The following MYBBP1A variants were observed in gnomAD, a reference collection of about 807,000 sequenced individuals.
MYBBP1A encodes the protein MYB binding protein 1a, also known as myb-binding protein 1A.
In MYBBP1A, 147 loss-of-function variants were observed where a neutral mutation model predicts 136.3. The ratio of observed to expected loss-of-function variants is 1.08; its 90% CI spans 0.94 to 1.24. The LOEUF (loss-of-function observed/expected upper bound fraction) is 1.24. Ranked by LOEUF, MYBBP1A falls within the 50% of genes most tolerant of loss-of-function variation. MYBBP1A has a pLI of 0.00. For synonymous variants in MYBBP1A, 947 were observed against 735.8 expected (o/e 1.29, Z -4.65); for missense variants, 2,060 against 1,727.4 (o/e 1.19, Z -3.41).
At position 4,538,942 on chromosome 17, in the gene MYBBP1A, A is replaced by AT. The variant is rs1301996404; in HGVS notation, c.*472dup. ...CTTCCGGAAGCCAAACTGCTCCTTT[A>AT]TTTTTTAGAGCTGCTGATTGTGAAT... On this transcript the variant is annotated 3_prime_UTR_variant, in exon 26 of 26. Transcript: ENST00000254718. The AT allele has an allele frequency of 1.3e-6, 1 of 784,100 alleles. No individual in the cohort carries two copies. Among genetic ancestry groups the AT allele is most frequent in the Non-Finnish European group, 2.4e-6 (1 of 421,056 alleles). 48.6% of individuals were successfully genotyped at this position (784,100 alleles called of 1,614,324 possible).
chr17:4,545,599 TC>T lies in MYBBP1A; in HGVS notation c.2073+10del. On this transcript the variant is annotated intron_variant, in intron 15 of 25. Transcript: ENST00000254718. ...CCAGCCCACATTCCACTCCCAAAGG[TC>T]CCAACTCACATCCAGAATTAGCTGC... The T allele has an allele frequency of 6.4e-7, 1 of 1,571,680 alleles. No individual in the cohort carries two copies. The highest frequency in any genetic ancestry group is 8.7e-7 in the Non-Finnish European group (1 of 1,155,080).
At position 4,555,285 on chromosome 17, in the gene MYBBP1A, C is replaced by G; in HGVS notation, c.40G>C (p.Glu14Gln). The G allele has an allele frequency of 6.2e-7, 1 of 1,610,154 alleles. No homozygotes were observed. Among genetic ancestry groups the G allele is most frequent in the East Asian group, 2.2e-5 (1 of 44,786 alleles). The change falls in exon 1 of 26, where the codon GAA becomes CAA. Residue 14 changes from glutamate to glutamine, a missense_variant. Physicochemically the swap from Glu to Gln is conservative, Grantham distance 29. Coordinates refer to ENST00000254718, the MANE Select transcript of MYBBP1A (RefSeq NM_014520.4). ...GGCCGGGCGCCACTCTGCGTCGCTT[C>G]TCCAGGCGACATCGGCTGGGCGGGA... The part of the protein sequence containing the change: ...RDPAQPMSPG[E>Q]ATQSGARPAD...
rs141555563 is a variant in MYBBP1A at position 4,551,343 on chromosome 17, G to A, written c.1023+537C>T. On this transcript the variant is annotated intron_variant, in intron 8 of 25. Transcript: ENST00000254718. The stretch of plus-strand genomic sequence containing the variant: ...TGCCACATGGGCGGGGGCGGAGAGA[G>A]GTCTGAACAGCCCGCTGGCTATCCA... Among the ~76,000 whole-genome samples, 24 of 152,350 alleles carry A rather than the reference G, an allele frequency of 1.6e-4. No individual in the cohort carries two copies. In the East Asian group the frequency reaches 4.6e-3, roughly 29 times the overall value.
chr17:4,546,638 A>G (rs1465147852), intron 13 of MYBBP1A, among the ~76,000 whole-genome samples: 1 of 152,222 alleles, frequency 6.6e-6, no homozygotes, highest in Non-Finnish European at 1.5e-5. Context: ...ATTGAAAGTC[A>G]TTAGTTTTAA....
intron 19 of MYBBP1A, among the ~76,000 whole-genome samples, chr17:4,543,642 G>C (rs1215290904): frequency 6.6e-6 from 1 of 152,134 alleles, no homozygotes; most frequent in African/African-American, 2.4e-5. Flanking sequence ...GGCGGGCCTG[G>C]GTTTGTGAAG....
chr17:4,545,125 C>G lies in MYBBP1A; in HGVS notation c.2211G>C (p.Glu737Asp). ...EDNRSSESEEESEGEESEEEE... is the reference protein window; with the variant it reads ...EDNRSSESEEDSEGEESEEEE... ...CCTCCTCGCTCTCCTCCCCCTCGCTCTCCTCTTCACTCTCTGAGCTTCTGT... is the reference window on the plus strand; with the variant it reads ...CCTCCTCGCTCTCCTCCCCCTCGCTGTCCTCTTCACTCTCTGAGCTTCTGT... Residue 737 changes from glutamate (E) to aspartate (D), a missense_variant, in exon 17 of 26, where the codon GAG (glutamate) becomes GAC (aspartate). By Grantham distance (45) the Glu-to-Asp change is conservative. Coordinates refer to ENST00000254718, the MANE Select transcript of MYBBP1A (RefSeq NM_014520.4). 2.5e-6 allele frequency: 4 copies of G among 1,612,574 alleles called. 1 individual carries two copies. The South Asian group carries it at 4.4e-5, about 18-fold the overall frequency.
Position 4,553,915 on chromosome 17 carries a change from G to C in MYBBP1A, c.456C>G (p.Asp152Glu), listed in dbSNP as rs775666049. The change falls in exon 5 of 26, where the codon GAC becomes GAG. Residue 152 changes from aspartate (D) to glutamate (E), a missense_variant and splice_region_variant. Coordinates refer to ENST00000254718, the MANE Select transcript of MYBBP1A (RefSeq NM_014520.4). ...TCACCGACTTCATCAGTGCCTCCTG[G>C]TCCTGGTCCCCACAGAGGGACAGAG... ...ALFQSGRLVK[D>E]QEALMKSVKL... 1.9e-6 allele frequency: 3 copies of C among 1,613,888 alleles called. No individual in the cohort carries two copies. Among genetic ancestry groups the C allele is most frequent in the Non-Finnish European group, 2.5e-6 (3 of 1,180,012 alleles).
Position 4,552,243 on chromosome 17 carries a change from T to C in MYBBP1A, c.787A>G (p.Lys263Glu). Reference sequence around the variant, plus strand: ...AGGTCCAGAGCAATGGCGGGCAGCTTGCGGTCCTTCTTCACAGAGGAGGCG... The same window carrying C: ...AGGTCCAGAGCAATGGCGGGCAGCTCGCGGTCCTTCTTCACAGAGGAGGCG... ...MAASSVKKDR[K>E]LPAIALDLLR... Residue 263 changes from lysine to glutamate, a missense_variant, in exon 7 of 26, where the codon AAG (lysine) becomes GAG (glutamate). Coordinates refer to ENST00000254718, the MANE Select transcript of MYBBP1A (RefSeq NM_014520.4). This position sits in a 1 kb window ranked among gnomAD's most constrained non-coding sequence, Gnocchi z 4.7. 6.2e-7 allele frequency: 1 copy of C among 1,614,186 alleles called. No homozygotes were observed. The highest frequency in any genetic ancestry group is 1.3e-5 in the African/African-American group (1 of 75,074).
At position 4,539,828 on chromosome 17, in the gene MYBBP1A, C is replaced by G. The variant is rs1259015353; in HGVS notation, c.3574G>C (p.Ala1192Pro). Residue 1192 changes from alanine to proline, a missense_variant, in exon 26 of 26, where the codon GCG becomes CCG. Transcript: ENST00000254718. ...GTGGCTGCAGGTGTGCCATCCTCCG[C>G]TGGCGTGCCATCCTCTGACTTGCGT... ...KKRKSEDGTP[A>P]EDGTPAATGG... is the part of the protein sequence containing the mutation. 6.2e-7 allele frequency: 1 copy of G among 1,610,714 alleles called. No homozygotes were observed. The highest frequency in any genetic ancestry group is 2.2e-5 in the East Asian group (1 of 44,886).
At chr17:4,540,270 CAGCGTGTGTGTGTGT>C (rs1255388658) in intron 25 of MYBBP1A, 63 bp downstream of exon 25, 1 of 1,486,054 alleles carries the variant, frequency 6.7e-7, no homozygotes, top group Non-Finnish European at 9.0e-7. Flanking sequence ...AGCGTGTGTG[CAGCGTGTGTGTGTGT>C]GCAGCAGCGT....
intron 19 of MYBBP1A, among the ~76,000 whole-genome samples, chr17:4,543,873 C>A (rs1165390735): frequency 6.7e-6 from 1 of 149,728 alleles, no homozygotes; most frequent in African/African-American, 2.5e-5. Context: ...AAAAGGCAAA[C>A]CAGACTCAGA....
intron 2 of MYBBP1A, 35 bp downstream of exon 2, chr17:4,554,826 G>A (rs1361119780): frequency 6.2e-7 from 1 of 1,600,572 alleles, no homozygotes. Context: ...ATTTTGACCT[G>A]GATGGCTGGG....
intron 2 of MYBBP1A, 67 bp from the exon 3 acceptor site, chr17:4,554,345 C>T: frequency 7.3e-7 from 1 of 1,370,236 alleles, no homozygotes; most frequent in Non-Finnish European, 1.0e-6. Flanking sequence ...CTTCACAAAC[C>T]TTAACCTCCC....
At position 4,539,640 on chromosome 17, in the gene MYBBP1A, TTTC is replaced by T; in HGVS notation, c.3759_3761del (p.Lys1254del). ...CATTCACCTGGGACGGCTTCTGGTTTTTCTTCTGCAGTTTTGGGGATTTGGCAG... is the reference window on the plus strand; with the variant it reads ...CATTCACCTGGGACGGCTTCTGGTTTTTCTGCAGTTTTGGGGATTTGGCAG... On this transcript the variant is annotated inframe_deletion, in exon 26 of 26. Coordinates refer to ENST00000254718, the MANE Select transcript of MYBBP1A (RefSeq NM_014520.4). 1 of 1,612,564 alleles carries T rather than the reference TTTC, an allele frequency of 6.2e-7. No homozygotes were observed. Among genetic ancestry groups the T allele is most frequent in the Middle Eastern group, 1.7e-4 (1 of 6,058 alleles).
In MYBBP1A at chr17:4,545,692, T is replaced by C. The variant is rs771363268; in HGVS notation, c.1991A>G (p.His664Arg). 9.3e-6 allele frequency: 15 copies of C among 1,610,986 alleles called. No homozygotes were observed. The highest frequency in any genetic ancestry group is 1.3e-5 in the Non-Finnish European group (15 of 1,178,256). Residue 664 changes from histidine (H) to arginine (R), a missense_variant, in exon 15 of 26, where the codon CAC becomes CGC. Coordinates refer to ENST00000254718, the MANE Select transcript of MYBBP1A (RefSeq NM_014520.4). ...GCTCCGGGCCACCTGGCGCATGAGGTGGCTGGGCTGGGCCAACAGGGCCAG... is the reference window on the plus strand; with the variant it reads ...GCTCCGGGCCACCTGGCGCATGAGGCGGCTGGGCTGGGCCAACAGGGCCAG... ...ILLALLAQPS[H>R]LMRQVARSVF...
chr17:4,546,646 T>C (rs1907039524), intron 13 of MYBBP1A, among the ~76,000 whole-genome samples: 1 of 152,236 alleles, frequency 6.6e-6, no homozygotes, highest in Non-Finnish European at 1.5e-5. Context: ...TCATTAGTTT[T>C]AACTAATTTA....
chr17:4,540,273 C>CGT lies in MYBBP1A; in HGVS notation c.3434+73_3434+74dup, dbSNP rs143093770. On this transcript the variant is annotated intron_variant, in intron 25 of 25. Transcript: ENST00000254718. ...TGCGTGTGCAGCAGCGTGTGTGCAG[C>CGT]GTGTGTGTGTGTGCAGCAGCGTGAG... 483 of 1,471,376 alleles carry CGT rather than the reference C, an allele frequency of 3.3e-4. 4 individuals carry two copies. The East Asian group carries it at 6.2e-3, about 19-fold the overall frequency. The allele number at this position is 1,471,376 out of a possible 1,614,324, so 91.1% of individuals were successfully genotyped here.
At position 4,547,871 on chromosome 17, in the gene MYBBP1A, C is replaced by A. The variant is rs925810220; in HGVS notation, c.1824+87G>T. The A allele has an allele frequency of 2.7e-5, 32 of 1,187,196 alleles. No individual in the cohort carries two copies. In the South Asian group the frequency reaches 5.0e-4, roughly 19 times the overall value. The allele number at this position is 1,187,196 out of a possible 1,614,324, so 73.5% of individuals were successfully genotyped here. The stretch of plus-strand genomic sequence containing the variant: ...TCCCCCAGAACCTTTCCTGGAAACC[C>A]GCACAGCCCTCAAAAGCCTCTCGGT... On this transcript the variant is annotated intron_variant, in intron 13 of 25. Coordinates refer to ENST00000254718, the MANE Select transcript of MYBBP1A (RefSeq NM_014520.4).
rs1221144055 is a variant in MYBBP1A at position 4,552,836 on chromosome 17, C to G, written c.562-210G>C. On this transcript the variant is annotated intron_variant, in intron 5 of 25. Coordinates refer to ENST00000254718, the MANE Select transcript of MYBBP1A (RefSeq NM_014520.4). The surrounding 1 kb of genome is among the most constrained non-coding windows in gnomAD (Gnocchi z 4.7). ...CCCCTGGAGGTACCTGCCCCCCACC[C>G]CTTATTTTTTTTTTTTAAGACAGAG... 2.2e-5 allele frequency among the ~76,000 whole-genome samples: 1 copy of G among 45,248 alleles called. No homozygotes were observed. The highest frequency in any genetic ancestry group is 5.9e-5 in the Non-Finnish European group (1 of 17,076). The allele number at this position is 45,248 out of a possible 152,430, so 29.7% of individuals were successfully genotyped here.
Sources: allele counts gnomAD v4.1 joint callset (sites outside exome capture counted in the v4.1 genomes callset), GRCh38; gene constraint gnomAD v4.1.1; non-coding constraint Gnocchi (gnomAD v3.1); transcripts MANE v1.5; gene names NCBI Gene and HGNC (gene_info 2026-07-23, HGNC 2026-07-21).